The following CNTN4 variants were observed in gnomAD, a reference collection of about 807,000 sequenced individuals.
CNTN4 encodes the protein contactin-4.
A neutral mutation model predicts 122.5 loss-of-function variants in CNTN4; 77 were observed. That is an observed-to-expected ratio of 0.63 (90% CI 0.52 to 0.76). The LOEUF (loss-of-function observed/expected upper bound fraction) is 0.76, where lower values mean the gene tolerates loss of function less well. CNTN4 is among the 30% of genes least tolerant of loss of function. CNTN4 has a pLI of 0.00. For synonymous variants in CNTN4, 512 were observed against 447.0 expected (o/e 1.15, Z -1.83); for missense variants, 1,256 against 1,259.1 (o/e 1.00, Z 0.04).
intron 2 of CNTN4, among the ~76,000 whole-genome samples, chr3:2,170,254 A>T (rs1267474032): frequency 2.0e-5 from 3 of 152,060 alleles, no homozygotes; most frequent in Non-Finnish European, 4.4e-5. Context: ...CGGGAGGCGG[A>T]GCTTGCAGTG....
chr3:2,356,588 A>G (rs1435123584), intron 3 of CNTN4, among the ~76,000 whole-genome samples: 1 of 152,062 alleles, frequency 6.6e-6, no homozygotes, highest in South Asian at 2.1e-4. Flanking sequence ...CTTTACTTCA[A>G]CCTGTTTTAT....
Position 3,056,314 on chromosome 3 carries a change from A to C in CNTN4, c.*94A>C. ...CAGTACTAAGTAATATTGTTGTTCAAGTACATCTTATTACTGGAATAAAAA... is the reference window on the plus strand; with the variant it reads ...CAGTACTAAGTAATATTGTTGTTCACGTACATCTTATTACTGGAATAAAAA... On this transcript the variant is annotated 3_prime_UTR_variant, in exon 25 of 25. Coordinates refer to ENST00000418658, the MANE Select transcript of CNTN4 (RefSeq NM_175607.3). 1 of 924,430 alleles carries C rather than the reference A, an allele frequency of 1.1e-6. No homozygotes were observed. Among genetic ancestry groups the C allele is most frequent in the South Asian group, 1.3e-5 (1 of 74,940 alleles). The allele number at this position is 924,430 out of a possible 1,614,324, so 57.3% of individuals were successfully genotyped here. A position where few individuals can be genotyped will look rare whatever the true frequency, so the allele number is the denominator to read the frequency against.
At chr3:2,426,386 T>C (rs191044163) in intron 3 of CNTN4, among the ~76,000 whole-genome samples, 6 of 152,312 alleles carry the variant, frequency 3.9e-5, no homozygotes, top group Admixed American at 3.9e-4. Flanking sequence ...ATTTTCGTTA[T>C]GTTGAAGCAG....
chr3:2,245,161 C>G (rs141917447), intron 2 of CNTN4, among the ~76,000 whole-genome samples: 1 of 152,040 alleles, frequency 6.6e-6, no homozygotes, highest in East Asian at 1.9e-4. Context: ...CTCACTCCTC[C>G]TATGTATTTA....
chr3:2,822,227 C>G (rs4684357), intron 7 of CNTN4, among the ~76,000 whole-genome samples: 99,649 of 152,088 alleles, frequency 0.66, 32,702 homozygotes, highest in East Asian at 0.75. Flanking sequence ...TGAATTTGGA[C>G]TCTGGGATAT....
chr3:2,387,974 A>G (rs1359269388), intron 3 of CNTN4, among the ~76,000 whole-genome samples: 1 of 152,204 alleles, frequency 6.6e-6, no homozygotes, highest in Non-Finnish European at 1.5e-5. Flanking sequence ...GTAAAATAAT[A>G]TTTTGGATCC....
intron 2 of CNTN4, among the ~76,000 whole-genome samples, chr3:2,289,877 G>A (rs1220594168): frequency 1.3e-5 from 2 of 152,108 alleles, no homozygotes; most frequent in Admixed American, 6.5e-5. Flanking sequence ...TTATCATGAA[G>A]TAGTTCTTTC....
At chr3:2,474,119 C>G (rs1266587700) in intron 3 of CNTN4, among the ~76,000 whole-genome samples, 1 of 152,014 alleles carries the variant, frequency 6.6e-6, no homozygotes, top group African/African-American at 2.4e-5. Context: ...CTTTTTCTTG[C>G]CACCTCACTA....
At chr3:2,784,155 C>T (rs972328659) in intron 6 of CNTN4, among the ~76,000 whole-genome samples, 11 of 152,058 alleles carry the variant, frequency 7.2e-5, no homozygotes, top group Non-Finnish European at 7.4e-5. Context: ...ACTATTCTTT[C>T]AGGAATGAGA....
At chr3:2,676,788 G>GA (rs1249059519) in intron 4 of CNTN4, among the ~76,000 whole-genome samples, 28 of 152,302 alleles carry the variant, frequency 1.8e-4, no homozygotes, top group African/African-American at 6.0e-4. Context: ...GGAAACTTCA[G>GA]AAACATATAA....
intron 4 of CNTN4, among the ~76,000 whole-genome samples, chr3:2,614,737 A>T (rs2081640599): frequency 6.6e-6 from 1 of 152,080 alleles, no homozygotes; most frequent in African/African-American, 2.4e-5. Context: ...GTCCTATTGA[A>T]ATAGAGATGC....
chr3:2,715,936 G>A (rs1281019423), intron 4 of CNTN4, among the ~76,000 whole-genome samples: 1 of 152,108 alleles, frequency 6.6e-6, no homozygotes, highest in Non-Finnish European at 1.5e-5. Flanking sequence ...GCAGTTCACA[G>A]CCATCCCCAT....
intron 4 of CNTN4, among the ~76,000 whole-genome samples, chr3:2,717,668 A>T (rs1157280149): frequency 6.6e-6 from 1 of 152,208 alleles, no homozygotes; most frequent in African/African-American, 2.4e-5. Context: ...ACACAAGTAT[A>T]TACCTAGGGA....
rs544506210 is a variant in CNTN4, at chr3:2,750,398, G to T, written c.358+4701G>T. Among the ~76,000 whole-genome samples, 4 of 152,266 alleles carry T rather than the reference G, an allele frequency of 2.6e-5. No individual in the cohort carries two copies. The South Asian group carries it at 8.3e-4, about 32-fold the overall frequency. On this transcript the variant is annotated intron_variant, in intron 6 of 24. Coordinates refer to ENST00000418658, the MANE Select transcript of CNTN4 (RefSeq NM_175607.3). Reference sequence around the variant, plus strand: ...TGTGCACAGAACTTAGTCATGTCTTGTATTAGCATTTAGCATTTTTAAGTT... The same window carrying T: ...TGTGCACAGAACTTAGTCATGTCTTTTATTAGCATTTAGCATTTTTAAGTT...
In CNTN4 at chr3:2,345,392, T is replaced by A. The variant is rs3856835; in HGVS notation, c.-89+6159T>A. On this transcript the variant is annotated intron_variant, in intron 3 of 24. Coordinates refer to ENST00000418658, the MANE Select transcript of CNTN4 (RefSeq NM_175607.3). ...CTGTGAAGTATTTTATAAGCTGTAA[T>A]GTTAAGCAGAAATTTTTAATCTTAA... is the stretch of plus-strand genomic sequence containing the variant. Among the ~76,000 whole-genome samples, 8 of 152,320 alleles carry A rather than the reference T, an allele frequency of 5.3e-5. No homozygotes were observed. In the East Asian group the frequency reaches 1.4e-3, roughly 26 times the overall value.
chr3:2,757,478 G>T (rs2090390636), intron 6 of CNTN4, among the ~76,000 whole-genome samples: 1 of 152,138 alleles, frequency 6.6e-6, no homozygotes, highest in Admixed American at 6.5e-5. Flanking sequence ...ATCACGTTTA[G>T]AGTGTCTGAC....
chr3:2,642,645 C>T (rs2082945864), intron 4 of CNTN4, among the ~76,000 whole-genome samples: 1 of 152,122 alleles, frequency 6.6e-6, no homozygotes, highest in South Asian at 2.1e-4. Context: ...GGTATTATAG[C>T]CAAATCTAAT....
intron 2 of CNTN4, among the ~76,000 whole-genome samples, chr3:2,307,857 C>T (rs2042775869): frequency 6.6e-6 from 1 of 151,990 alleles, no homozygotes; most frequent in Non-Finnish European, 1.5e-5. Context: ...ATTTTTGTGT[C>T]TATCTTCATA....
intron 3 of CNTN4, among the ~76,000 whole-genome samples, chr3:2,482,772 T>A (rs556349112): frequency 1.3e-5 from 2 of 152,332 alleles, no homozygotes; most frequent in Non-Finnish European, 2.9e-5. Context: ...GTGTTGGTCC[T>A]CTGTATACAC....
Sources: allele counts gnomAD v4.1 joint callset (sites outside exome capture counted in the v4.1 genomes callset), GRCh38; gene constraint gnomAD v4.1.1; transcripts MANE v1.5; gene names NCBI Gene and HGNC (gene_info 2026-07-23, HGNC 2026-07-21).